Variants in ZNF99 observed in about 807,000 individuals in gnomAD.
ZNF99 encodes the protein zinc finger protein ENSP00000375192.
In ZNF99, 8 loss-of-function variants were observed where a neutral mutation model predicts 12.8. That is an observed-to-expected ratio of 0.62 (90% CI 0.37 to 1.13). The LOEUF is 1.13. Ranked by LOEUF, ZNF99 falls within the 50% of genes most tolerant of loss-of-function variation. ZNF99 has a pLI of 0.02. For synonymous variants in ZNF99, 318 were observed against 319.0 expected, an observed-to-expected ratio of 1.00 and a Z score of 0.03; for missense variants, 1,007 against 1,006.2, an observed-to-expected ratio of 1.00 and a Z score of -0.01.
chr19:22,768,233 T>C (rs1973226050), intron 3 of ZNF99, 72 bp downstream of exon 3: 2 of 1,519,482 alleles, frequency 1.3e-6, no homozygotes, highest in South Asian at 1.1e-5. Context: ...CAGGTCACAT[T>C]TTGAGAACTG....
chr19:22,782,670 T>C (rs1350998083), intron 1 of ZNF99, among the ~76,000 whole-genome samples: 3 of 141,986 alleles, frequency 2.1e-5, no homozygotes, highest in African/African-American at 7.9e-5. Context: ...CCTTTTTTTT[T>C]TTTTTTTTTT....
rs768807185 is a variant in ZNF99, at chr19:22,754,107, AGCACTTTGGG to A, written c.*3197_*3206del. 6.6e-6 allele frequency: 3 copies of A among 454,732 alleles called. No individual in the cohort carries two copies. Among genetic ancestry groups the A allele is most frequent in the South Asian group, 1.6e-5 (1 of 64,484 alleles). The allele number at this position is 454,732 out of a possible 1,614,324, so 28.2% of individuals were successfully genotyped here. On this transcript the variant is annotated 3_prime_UTR_variant, in exon 4 of 4. Transcript: ENST00000596209. Reference sequence around the variant, plus strand: ...CTCAATGGCTCATGCTTGTAATCCCAGCACTTTGGGGCACTTTGGGAGGCCAAGGCGGGTG... The same window carrying A: ...CTCAATGGCTCATGCTTGTAATCCCAGCACTTTGGGAGGCCAAGGCGGGTG...
intron 3 of ZNF99, among the ~76,000 whole-genome samples, chr19:22,760,739 G>A (rs1020193512): frequency 1.3e-4 from 20 of 151,534 alleles, no homozygotes; most frequent in South Asian, 6.3e-4. Context: ...GAGAGACTCT[G>A]TCTCAAAAAA....
Position 22,758,389 on chromosome 19 carries a change from T to TA in ZNF99, c.1519_1520insT (p.Lys507IlefsTer6), listed in dbSNP as rs1973103457. On this transcript the variant is annotated frameshift_variant, in exon 4 of 4. Coordinates refer to ENST00000596209, the MANE Select transcript of ZNF99 (RefSeq NM_001080409.3). LOFTEE classifies it low-confidence loss of function (END_TRUNC). ...GCCACATTCTTCACATTTGCAAGGT[T>TA]TCTCTTCCATATGAATTACCTTATG... 1 of 1,612,624 alleles carries TA rather than the reference T, an allele frequency of 6.2e-7. No individual in the cohort carries two copies. The highest frequency in any genetic ancestry group is 1.3e-5 in the African/African-American group (1 of 74,834).
intron 1 of ZNF99, among the ~76,000 whole-genome samples, chr19:22,778,164 A>G (rs1338230663): frequency 6.6e-6 from 1 of 151,802 alleles, no homozygotes; most frequent in Non-Finnish European, 1.5e-5. Flanking sequence ...AATTAAAAAA[A>G]AAAAGAAAAA....
chr19:22,766,118 A>G (rs1302348897), intron 3 of ZNF99, among the ~76,000 whole-genome samples: 1 of 151,686 alleles, frequency 6.6e-6, no homozygotes, highest in East Asian at 1.9e-4. Context: ...TATGATATTA[A>G]AACACATTGA....
chr19:22,764,947 AGT>A (rs1270408952), intron 3 of ZNF99, among the ~76,000 whole-genome samples: 1 of 152,234 alleles, frequency 6.6e-6, no homozygotes, highest in Non-Finnish European at 1.5e-5. Context: ...AAGAACTAAA[AGT>A]TGTACTACCA....
In ZNF99 at chr19:22,755,119, C is replaced by A; in HGVS notation, c.*2195G>T. The stretch of plus-strand genomic sequence containing the variant: ...TGAAGAATGCTTATGGCATTATTCA[C>A]ATTTGTAGGGTTTCTCTCCCATTGA... On this transcript the variant is annotated 3_prime_UTR_variant, in exon 4 of 4. Coordinates refer to ENST00000596209, the MANE Select transcript of ZNF99 (RefSeq NM_001080409.3). 1 of 191,066 alleles carries A rather than the reference C, an allele frequency of 5.2e-6. No individual in the cohort carries two copies. The highest frequency in any genetic ancestry group is 1.1e-5 in the Non-Finnish European group (1 of 91,480). 11.8% of individuals were successfully genotyped at this position (191,066 alleles called of 1,614,324 possible).
intron 3 of ZNF99, among the ~76,000 whole-genome samples, chr19:22,767,507 T>C (rs1042479643): frequency 2.6e-5 from 4 of 152,178 alleles, no homozygotes; most frequent in Non-Finnish European, 4.4e-5. Context: ...CAAGTACTAG[T>C]ACAAGAAAAA....
intron 1 of ZNF99, chr19:22,769,900 G>T: frequency 7.4e-7 from 1 of 1,358,708 alleles, no homozygotes; most frequent in South Asian, 1.2e-5. Flanking sequence ...TAAAATTAAG[G>T]GCATGATAAC....
intron 3 of ZNF99, among the ~76,000 whole-genome samples, chr19:22,766,279 A>G (rs2145149290): frequency 6.8e-6 from 1 of 146,184 alleles, no homozygotes; most frequent in Admixed American, 6.7e-5. Context: ...GAGACAAAAT[A>G]TGTAAAAAAA....
rs1211595270 is a variant in ZNF99 at position 22,754,627 on chromosome 19, G to A, written c.*2687C>T. 2.8e-6 allele frequency: 1 copy of A among 353,454 alleles called. No homozygotes were observed. The highest frequency in any genetic ancestry group is 5.6e-6 in the Non-Finnish European group (1 of 178,798). 21.9% of individuals were successfully genotyped at this position (353,454 alleles called of 1,614,324 possible). A position where few individuals can be genotyped will look rare whatever the true frequency, so the allele number is the denominator to read the frequency against. On this transcript the variant is annotated 3_prime_UTR_variant, in exon 4 of 4. Coordinates refer to ENST00000596209, the MANE Select transcript of ZNF99 (RefSeq NM_001080409.3). ...TAATGTGTGGTAAGATGTGAGAAAT[G>A]GTTACAGTGTTTGCCACATTCTTCA...
At chr19:22,767,726 A>T (rs1973219790) in intron 3 of ZNF99, among the ~76,000 whole-genome samples, 1 of 152,168 alleles carries the variant, frequency 6.6e-6, no homozygotes. Flanking sequence ...GATTAAGAAA[A>T]TAGAAAATGT....
Position 22,756,902 on chromosome 19 carries a change from A to C in ZNF99, c.*412T>G. 1 of 1,609,558 alleles carries C rather than the reference A, an allele frequency of 6.2e-7. No individual in the cohort carries two copies. The highest frequency in any genetic ancestry group is 8.5e-7 in the Non-Finnish European group (1 of 1,178,270). Reference sequence around the variant, plus strand: ...GTTTCTCTACAGTATGAATTACCTTATGTTCCATAAGTTTTGAGACCACTT... The same window carrying C: ...GTTTCTCTACAGTATGAATTACCTTCTGTTCCATAAGTTTTGAGACCACTT... On this transcript the variant is annotated 3_prime_UTR_variant, in exon 4 of 4. Transcript: ENST00000596209.
At chr19:22,770,101 C>G (rs561701950) in intron 1 of ZNF99, 1 of 974,356 alleles carries the variant, frequency 1.0e-6, no homozygotes. Flanking sequence ...GACAAGCTCA[C>G]CAGTAATGCC....
In ZNF99 at chr19:22,756,053, G is replaced by A; in HGVS notation, c.*1261C>T. 3 of 1,256,980 alleles carry A rather than the reference G, an allele frequency of 2.4e-6. No homozygotes were observed. The highest frequency in any genetic ancestry group is 1.5e-5 in the African/African-American group (1 of 67,700). The allele number at this position is 1,256,980 out of a possible 1,614,324, so 77.9% of individuals were successfully genotyped here. ...TTTACATTTGTGGGGTTTCTCTCCA[G>A]CATGAATTGTTTTCTGCCTATTAAG... On this transcript the variant is annotated 3_prime_UTR_variant, in exon 4 of 4. Transcript: ENST00000596209.
At chr19:22,769,701 G>A (rs1338524169) in intron 1 of ZNF99, among the ~76,000 whole-genome samples, 1 of 151,360 alleles carries the variant, frequency 6.6e-6, no homozygotes, top group African/African-American at 2.4e-5. Context: ...GGGAGGCAGA[G>A]CTTGCAGTGA....
chr19:22,765,845 CT>C (rs766239526), intron 3 of ZNF99, among the ~76,000 whole-genome samples: 37 of 152,004 alleles, frequency 2.4e-4, no homozygotes, highest in African/African-American at 8.7e-4. Context: ...TAAAATGAGT[CT>C]TTTATGTTGA....
chr19:22,764,251 C>T (rs746196516), intron 3 of ZNF99, among the ~76,000 whole-genome samples: 3 of 151,992 alleles, frequency 2.0e-5, no homozygotes, highest in African/African-American at 4.8e-5. Context: ...TGGCTAGCCA[C>T]ATGTAGGAGA....
Sources: allele counts gnomAD v4.1 joint callset (sites outside exome capture counted in the v4.1 genomes callset), GRCh38; gene constraint gnomAD v4.1.1; transcripts MANE v1.5; gene names NCBI Gene and HGNC (gene_info 2026-07-23, HGNC 2026-07-21).